The following PTPN5 variants were observed in gnomAD, a reference collection of about 807,000 sequenced individuals.
The protein encoded by PTPN5 is protein tyrosine phosphatase non-receptor type 5.
In PTPN5, 29 loss-of-function variants were observed where a neutral mutation model predicts 73.9. That is an observed-to-expected ratio of 0.39 (90% CI 0.29 to 0.54). The LOEUF (loss-of-function observed/expected upper bound fraction) is 0.54. PTPN5 is among the 20% of genes least tolerant of loss of function. PTPN5 has a pLI of 0.65. For synonymous variants in PTPN5, 267 were observed against 304.7 expected (o/e 0.88, Z 1.29); for missense variants, 652 against 751.4 (o/e 0.87, Z 1.55).
chr11:18,774,229 T>A (rs1851040256), intron 1 of PTPN5, among the ~76,000 whole-genome samples: 1 of 152,206 alleles, frequency 6.6e-6, no homozygotes, highest in South Asian at 2.1e-4. Context: ...AGGTGAATGT[T>A]GACTATCATG....
At chr11:18,743,684 A>G (rs903148978) in intron 4 of PTPN5, 3 of 584,236 alleles carry the variant, frequency 5.1e-6, no homozygotes, top group Non-Finnish European at 9.1e-6. Context: ...ATGTACATCA[A>G]AAGAGTAGTC....
chr11:18,746,399 C>T (rs1220049422), intron 3 of PTPN5, among the ~76,000 whole-genome samples: 2 of 151,700 alleles, frequency 1.3e-5, no homozygotes, highest in African/African-American at 4.8e-5. Flanking sequence ...ACCATGTTGG[C>T]CAGGCTGGTC....
chr11:18,742,423 C>T lies in PTPN5; in HGVS notation c.564G>A (p.Gln188=), dbSNP rs1165812827. Reference sequence around the variant, plus strand: ...TCCACTCTGAGTAGGTGAAGGAGGGCTGGCGGCTCACTGACTGGCGCCTGT... The same window carrying T: ...TCCACTCTGAGTAGGTGAAGGAGGGTTGGCGGCTCACTGACTGGCGCCTGT... ...PEDRRQSVSR[Q]PSFTYSEWME... is the part of the protein sequence containing the mutation. The change falls in exon 7 of 15, where the codon CAG becomes CAA. Residue 188 remains glutamine, a synonymous_variant. Coordinates refer to ENST00000358540, the MANE Select transcript of PTPN5 (RefSeq NM_006906.2). The surrounding 1 kb of genome is among the most constrained non-coding windows in gnomAD (Gnocchi z 4.1). The T allele has an allele frequency of 6.2e-7, 1 of 1,614,188 alleles. No homozygotes were observed. Among genetic ancestry groups the T allele is most frequent in the Non-Finnish European group, 8.5e-7 (1 of 1,180,030 alleles).
At chr11:18,765,913 G>A (rs1218363924) in intron 2 of PTPN5, 30 bp from the exon 3 acceptor site, 2 of 1,491,332 alleles carry the variant, frequency 1.3e-6, no homozygotes, top group Admixed American at 1.9e-5. Context: ...GTAAGAATAT[G>A]CTGTTGAGCC....
intron 9 of PTPN5, among the ~76,000 whole-genome samples, chr11:18,734,179 T>C (rs1210450037): frequency 1.3e-5 from 2 of 152,340 alleles, no homozygotes; most frequent in East Asian, 3.9e-4. Context: ...TTTATAAATA[T>C]AAAGGGCTGT....
chr11:18,769,592 G>A (rs1700260958), intron 2 of PTPN5, among the ~76,000 whole-genome samples: 1 of 152,128 alleles, frequency 6.6e-6, no homozygotes, highest in African/African-American at 2.4e-5. Flanking sequence ...TAGTAGATAC[G>A]AGGTTTCACC....
chr11:18,745,486 T>C (rs1025641812), intron 3 of PTPN5, among the ~76,000 whole-genome samples: 7 of 152,172 alleles, frequency 4.6e-5, no homozygotes, highest in African/African-American at 1.4e-4. Context: ...CCGCCCCCTA[T>C]GCTTTGACAT....
chr11:18,740,403 A>G (rs1849309551), intron 8 of PTPN5, 200 bp downstream of exon 8: 1 of 451,150 alleles, frequency 2.2e-6, no homozygotes, highest in Non-Finnish European at 3.9e-6. Context: ...CAATTCTATT[A>G]TTTTCATCCC....
intron 1 of PTPN5, among the ~76,000 whole-genome samples, chr11:18,784,723 T>A (rs1437548434): frequency 6.6e-6 from 1 of 152,120 alleles, no homozygotes; most frequent in Non-Finnish European, 1.5e-5. Context: ...AAGGACAGAC[T>A]TCCCTCTGAA....
At chr11:18,738,710 A>T (rs1242664155) in intron 8 of PTPN5, among the ~76,000 whole-genome samples, 1 of 152,046 alleles carries the variant, frequency 6.6e-6, no homozygotes, top group East Asian at 1.9e-4. Flanking sequence ...GCGGTGGCTC[A>T]CGCCTGTAAT....
rs1849417398 is a variant in PTPN5 at position 18,742,557 on chromosome 11, GT to G, written c.484-55del. The G allele has an allele frequency of 6.3e-7, 1 of 1,596,802 alleles. No individual in the cohort carries two copies. Among genetic ancestry groups the G allele is most frequent in the Non-Finnish European group, 8.5e-7 (1 of 1,174,770 alleles). On this transcript the variant is annotated intron_variant, in intron 6 of 14. Transcript: ENST00000358540. The surrounding 1 kb of genome is among the most constrained non-coding windows in gnomAD (Gnocchi z 4.1). ...TCGGACCACGCTGGCTGCCCCCCGT[GT>G]TCCTGGAGTGCCCATGGGATTGACG...
At chr11:18,740,530 C>T (rs1324698498) in intron 8 of PTPN5, 73 bp downstream of exon 8, 4 of 1,316,962 alleles carry the variant, frequency 3.0e-6, no homozygotes, top group African/African-American at 1.5e-5. Flanking sequence ...AGGCACCACG[C>T]TCCACCACCT....
At position 18,734,000 on chromosome 11, in the gene PTPN5, T is replaced by A. The variant is rs1294115274; in HGVS notation, c.1001-365A>T. On this transcript the variant is annotated intron_variant, in intron 9 of 14. Transcript: ENST00000358540. The surrounding 1 kb of genome is among the most constrained non-coding windows in gnomAD (Gnocchi z 4.3). The stretch of plus-strand genomic sequence containing the variant: ...TCTTGTTCAGCAAGAGACAGCTAGC[T>A]TGAGTACACACTGTCATTGACTTGC... Among the ~76,000 whole-genome samples the A allele has an allele frequency of 6.6e-6, 1 of 152,216 alleles. No homozygotes were observed. Among genetic ancestry groups the A allele is most frequent in the Non-Finnish European group, 1.5e-5 (1 of 68,040 alleles).
At position 18,760,259 on chromosome 11, in the gene PTPN5, G is replaced by A. The variant is rs1284722908; in HGVS notation, c.97+5548C>T. ...GCTACTGGTCCAAGACCTCATCTGTGGCATGGTAGGAAGGCTATGAAAGCT... is the reference window on the plus strand; with the variant it reads ...GCTACTGGTCCAAGACCTCATCTGTAGCATGGTAGGAAGGCTATGAAAGCT... On this transcript the variant is annotated intron_variant, in intron 3 of 14. Transcript: ENST00000358540. Among the ~76,000 whole-genome samples, 5 of 152,282 alleles carry A rather than the reference G, an allele frequency of 3.3e-5. No individual in the cohort carries two copies. The East Asian group carries it at 5.8e-4, about 18-fold the overall frequency.
At chr11:18,791,101 G>T (rs1400161087) in intron 1 of PTPN5, among the ~76,000 whole-genome samples, 1 of 152,194 alleles carries the variant, frequency 6.6e-6, no homozygotes, top group Non-Finnish European at 1.5e-5. Context: ...GCGAAGCAAT[G>T]GGAAGGCTGG....
intron 1 of PTPN5, among the ~76,000 whole-genome samples, chr11:18,790,682 T>C (rs1851876860): frequency 1.3e-5 from 2 of 152,090 alleles, no homozygotes; most frequent in African/African-American, 4.8e-5. Flanking sequence ...TTACACACTT[T>C]CGTGGTACAC....
At chr11:18,775,707 T>C (rs1049438004) in intron 1 of PTPN5, among the ~76,000 whole-genome samples, 5 of 152,236 alleles carry the variant, frequency 3.3e-5, no homozygotes, top group African/African-American at 1.2e-4. Flanking sequence ...CTGTGTGACC[T>C]TGGGCTAGTC....
intron 8 of PTPN5, 116 bp downstream of exon 8, chr11:18,740,481 TAATAAA>T: frequency 1.1e-6 from 1 of 889,104 alleles, no homozygotes; most frequent in Non-Finnish European, 1.6e-6. Flanking sequence ...GGAGAGCTGA[TAATAAA>T]GTGATACTAA....
At chr11:18,788,737 G>A (rs1204385850) in intron 1 of PTPN5, among the ~76,000 whole-genome samples, 2 of 152,214 alleles carry the variant, frequency 1.3e-5, no homozygotes, top group African/African-American at 4.8e-5. Context: ...AGAACAAAGA[G>A]TTCAGAATCT....
Sources: allele counts gnomAD v4.1 joint callset (sites outside exome capture counted in the v4.1 genomes callset), GRCh38; gene constraint gnomAD v4.1.1; non-coding constraint Gnocchi (gnomAD v3.1); transcripts MANE v1.5; gene names NCBI Gene and HGNC (gene_info 2026-07-23, HGNC 2026-07-21).